Variants in GABRA3 observed in about 807,000 individuals in gnomAD.
GABRA3 encodes gamma-aminobutyric acid type A receptor subunit alpha3.
In GABRA3, 10 loss-of-function variants were observed where a neutral mutation model predicts 30.1. The observed-to-expected ratio is 0.33, with a 90% CI of 0.20 to 0.56. The LOEUF (loss-of-function observed/expected upper bound fraction) is 0.56, where lower values mean the gene tolerates loss of function less well. Ranked by LOEUF, GABRA3 falls within the 20% of genes least tolerant of loss-of-function variation. The probability of loss-of-function intolerance (pLI) is 0.89; values close to 1 mark genes in which losing one functional copy is unlikely to be tolerated. For missense variants in GABRA3, 233 were observed against 392.0 expected, an observed-to-expected ratio of 0.59 and a Z score of 3.42; for synonymous variants, 151 against 146.8, an observed-to-expected ratio of 1.03 and a Z score of -0.21.
chrX:152,310,276 C>T (rs1452375952), intron 3 of GABRA3, among the ~76,000 whole-genome samples: 1 of 111,948 alleles, frequency 8.9e-6, no homozygotes, highest in African/African-American at 3.2e-5. Context: ...GACACTTAAC[C>T]AAATGGACTT....
At chrX:152,425,130 T>A (rs1477961201) in intron 1 of GABRA3, among the ~76,000 whole-genome samples, 1 of 105,860 alleles carries the variant, frequency 9.4e-6, no homozygotes, top group Admixed American at 1.0e-4. Context: ...AGAGACAGAA[T>A]CTTGTTACGT....
chrX:152,395,018 T>C (rs1362679522), intron 1 of GABRA3, among the ~76,000 whole-genome samples: 1 of 111,250 alleles, frequency 9.0e-6, no homozygotes, highest in Admixed American at 9.6e-5. Flanking sequence ...AAATAAAACA[T>C]GGTGTGATTC....
intron 2 of GABRA3, among the ~76,000 whole-genome samples, chrX:152,356,460 C>T (rs1486320544): frequency 9.0e-6 from 1 of 111,504 alleles, no homozygotes; most frequent in African/African-American, 3.3e-5. Context: ...GCAGCAGCAG[C>T]TCTTAAGTAC....
intron 3 of GABRA3, among the ~76,000 whole-genome samples, chrX:152,323,750 T>C (rs1940008101): frequency 8.9e-6 from 1 of 112,340 alleles, no homozygotes; most frequent in Non-Finnish European, 1.9e-5. Context: ...TAATCATGCT[T>C]GTGTGCTTAA....
At chrX:152,379,490 T>C (rs1480292692) in intron 1 of GABRA3, among the ~76,000 whole-genome samples, 1 of 111,070 alleles carries the variant, frequency 9.0e-6, no homozygotes, top group African/African-American at 3.3e-5. Context: ...TAAACACGTA[T>C]ATTAAAAAGA....
chrX:152,183,539 G>T (rs1257343919), intron 9 of GABRA3, among the ~76,000 whole-genome samples: 1 of 108,805 alleles, frequency 9.2e-6, no homozygotes, highest in Non-Finnish European at 1.9e-5. Context: ...TGATTTTTAA[G>T]TTCCCTATTT....
intron 2 of GABRA3, among the ~76,000 whole-genome samples, chrX:152,358,637 C>T (rs1940587547): frequency 9.0e-6 from 1 of 111,416 alleles, no homozygotes; most frequent in African/African-American, 3.3e-5. Context: ...AAGGAGAATG[C>T]TTCCAGCTTT....
At chrX:152,233,592 T>C (rs1938133667) in intron 5 of GABRA3, among the ~76,000 whole-genome samples, 1 of 110,091 alleles carries the variant, frequency 9.1e-6, no homozygotes, top group African/African-American at 3.3e-5. Context: ...TTTTACACTG[T>C]TGGTGGGACT....
intron 3 of GABRA3, among the ~76,000 whole-genome samples, chrX:152,300,673 A>G (rs1269892342): frequency 8.9e-6 from 1 of 112,491 alleles, no homozygotes; most frequent in Non-Finnish European, 1.9e-5. Flanking sequence ...AGATGTTCTC[A>G]GCAGAGAAAT....
intron 5 of GABRA3, among the ~76,000 whole-genome samples, chrX:152,235,746 A>G (rs931941208): frequency 1.8e-5 from 2 of 111,432 alleles, no homozygotes; most frequent in African/African-American, 6.5e-5. Flanking sequence ...GTGTTCATGG[A>G]TTGAAAGAAT....
chrX:152,333,110 T>G (rs1167510509), intron 3 of GABRA3, among the ~76,000 whole-genome samples: 4 of 111,666 alleles, frequency 3.6e-5, no homozygotes, highest in African/African-American at 1.3e-4. Flanking sequence ...AGGCGAAAGA[T>G]CTGGGTGTGA....
intron 4 of GABRA3, among the ~76,000 whole-genome samples, chrX:152,257,054 C>T (rs778885974): frequency 3.6e-5 from 4 of 110,941 alleles, no homozygotes; most frequent in Non-Finnish European, 7.6e-5. Flanking sequence ...CTATACTACA[C>T]ACAAATAGGA....
chrX:152,229,573 G>C (rs145868800), intron 5 of GABRA3, among the ~76,000 whole-genome samples: 3 of 110,226 alleles, frequency 2.7e-5, no homozygotes, highest in Non-Finnish European at 5.7e-5. Context: ...AGTTAGAAGG[G>C]GTAGCAGTGC....
intron 1 of GABRA3, among the ~76,000 whole-genome samples, chrX:152,370,429 A>C (rs1360792596): frequency 1.8e-5 from 2 of 111,911 alleles, no homozygotes; most frequent in African/African-American, 6.5e-5. Context: ...AGGTCATCTA[A>C]TTCCACCTAG....
chrX:152,409,055 A>G (rs1467652633), intron 1 of GABRA3, among the ~76,000 whole-genome samples: 1 of 111,944 alleles, frequency 8.9e-6, no homozygotes, highest in Admixed American at 9.5e-5. Context: ...TTCTCACCAT[A>G]CATAAAAATA....
intron 5 of GABRA3, among the ~76,000 whole-genome samples, chrX:152,227,191 A>G (rs1397333418): frequency 1.8e-5 from 2 of 109,254 alleles, no homozygotes; most frequent in Non-Finnish European, 3.8e-5. Context: ...ACCATGGAAT[A>G]CTATGCAGCC....
chrX:152,204,856 A>G (rs888305984), intron 7 of GABRA3, among the ~76,000 whole-genome samples: 1 of 111,810 alleles, frequency 8.9e-6, no homozygotes, highest in African/African-American at 3.3e-5. Context: ...GTGTCAGCAG[A>G]GCTACACTCC....
At chrX:152,199,159 G>A (rs753234370) in intron 7 of GABRA3, among the ~76,000 whole-genome samples, 3 of 110,650 alleles carry the variant, frequency 2.7e-5, no homozygotes, top group East Asian at 5.7e-4. Context: ...GAGGTCAGGA[G>A]ATCGAGACCA....
rs546857335 is a variant in GABRA3 at position 152,300,231 on chromosome X, A to G, written c.263-15496T>C. On this transcript the variant is annotated intron_variant, in intron 3 of 9. Transcript: ENST00000370314. ...TAGCACAGACTTTGATAATTGAACT[A>G]TGAACTTAGATTAAAACCACAGTCT... Among the ~76,000 whole-genome samples, 21 of 112,472 alleles carry G rather than the reference A, an allele frequency of 1.9e-4. No homozygotes were observed. In the South Asian group the frequency reaches 5.9e-3, roughly 31 times the overall value.
Sources: allele counts gnomAD v4.1 joint callset (sites outside exome capture counted in the v4.1 genomes callset), GRCh38; gene constraint gnomAD v4.1.1; transcripts MANE v1.5; gene names NCBI Gene and HGNC (gene_info 2026-07-23, HGNC 2026-07-21).